The following PDE5A variants were observed in gnomAD, a reference collection of about 807,000 sequenced individuals.
PDE5A encodes phosphodiesterase 5A.
PDE5A carries 67 observed loss-of-function variants against 110.2 expected under a neutral mutation model. The ratio of observed to expected loss-of-function variants is 0.61; its 90% confidence interval spans 0.50 to 0.75. The LOEUF is 0.75. Among genes scored for constraint, PDE5A ranks in the 30% least tolerant of loss-of-function variants. The probability of loss-of-function intolerance (pLI) is 0.00; values close to 1 mark genes in which losing one functional copy is unlikely to be tolerated. For synonymous variants in PDE5A, 328 were observed against 351.2 expected (o/e 0.93, Z 0.74); for missense variants, 862 against 1,045.1 (o/e 0.82, Z 2.42).
chr4:119,589,827 C>T (rs906124409), intron 3 of PDE5A, among the ~76,000 whole-genome samples: 2 of 152,082 alleles, frequency 1.3e-5, no homozygotes, highest in Admixed American at 6.5e-5. Context: ...GTCTGCAGAG[C>T]GGTTTAAACA....
chr4:119,508,597 A>G (rs570986305), intron 15 of PDE5A, among the ~76,000 whole-genome samples: 3 of 152,160 alleles, frequency 2.0e-5, no homozygotes, highest in African/African-American at 7.2e-5. Flanking sequence ...GGATAACTAG[A>G]TGCTGAAATT....
chr4:119,580,957 AAGGGTGGTATCCTGCCTGACGCC>A (rs1425407639), intron 3 of PDE5A, among the ~76,000 whole-genome samples: 2 of 152,258 alleles, frequency 1.3e-5, no homozygotes, highest in African/African-American at 4.8e-5. Flanking sequence ...GATTTATTTT[AAGGGTGGTATCCTGCCTGACGCC>A]AGGTGTTGGC....
At chr4:119,609,167 A>T (rs867779165) in intron 1 of PDE5A, among the ~76,000 whole-genome samples, 12 of 152,016 alleles carry the variant, frequency 7.9e-5, no homozygotes, top group Middle Eastern at 3.4e-3. Flanking sequence ...GTCTCAAAAA[A>T]AAAAATAAAA....
At position 119,498,328 on chromosome 4, in the gene PDE5A, C is replaced by G. The variant is rs1406085921; in HGVS notation, c.*273G>C. Reference sequence around the variant, plus strand: ...AGAATACTGCATACACTTTGCAGTACACGAAATATCACAAACAATGCTTTT... The same window carrying G: ...AGAATACTGCATACACTTTGCAGTAGACGAAATATCACAAACAATGCTTTT... On this transcript the variant is annotated 3_prime_UTR_variant, in exon 21 of 21. Transcript: ENST00000354960. The G allele has an allele frequency of 3.0e-6, 1 of 338,326 alleles. No homozygotes were observed. The highest frequency in any genetic ancestry group is 5.4e-6 in the Non-Finnish European group (1 of 183,520). The allele number at this position is 338,326 out of a possible 1,614,324, so 21.0% of individuals were successfully genotyped here.
Position 119,628,728 on chromosome 4 carries a change from G to A in PDE5A, c.-57C>T, listed in dbSNP as rs750248948. ...GTACTGCTTTTCCACCCCAGCTGGG[G>A]TCCGTCCCTCAGAAGAACAGGACTC... is the stretch of plus-strand genomic sequence containing the variant. On this transcript the variant is annotated 5_prime_UTR_variant, in exon 1 of 21. Coordinates refer to ENST00000354960, the MANE Select transcript of PDE5A (RefSeq NM_001083.4). 6.3e-7 allele frequency: 1 copy of A among 1,595,174 alleles called. No individual in the cohort carries two copies. Among genetic ancestry groups the A allele is most frequent in the Non-Finnish European group, 8.5e-7 (1 of 1,175,882 alleles).
intron 1 of PDE5A, among the ~76,000 whole-genome samples, chr4:119,613,382 T>C (rs1729823792): frequency 6.6e-6 from 1 of 152,172 alleles, no homozygotes; most frequent in African/African-American, 2.4e-5. Context: ...TTTTTTTTTC[T>C]GGAACGAATT....
At chr4:119,613,688 T>C (rs1270680130) in intron 1 of PDE5A, among the ~76,000 whole-genome samples, 1 of 151,674 alleles carries the variant, frequency 6.6e-6, no homozygotes, top group East Asian at 2.0e-4. Context: ...TGGTCTAGGA[T>C]AGGACCTCTA....
chr4:119,557,367 A>G (rs1349023022), intron 7 of PDE5A, among the ~76,000 whole-genome samples: 1 of 152,158 alleles, frequency 6.6e-6, no homozygotes, highest in Admixed American at 6.6e-5. Flanking sequence ...TTTCTCTAAT[A>G]AATTTCTGCA....
In PDE5A at chr4:119,583,663, T is replaced by C. The variant is rs1340782231; in HGVS notation, c.831+12860A>G. Among the ~76,000 whole-genome samples, 9 of 152,188 alleles carry C rather than the reference T, an allele frequency of 5.9e-5. No homozygotes were observed. In the South Asian group the frequency reaches 8.3e-4, roughly 14 times the overall value. ...ACACTTAGAGAACACTATAGGGTTA[T>C]CAACTGGCTTAATTATAATACTGTT... On this transcript the variant is annotated intron_variant, in intron 3 of 20. Coordinates refer to ENST00000354960, the MANE Select transcript of PDE5A (RefSeq NM_001083.4).
intron 2 of PDE5A, among the ~76,000 whole-genome samples, chr4:119,601,217 G>A (rs2110542463): frequency 6.6e-6 from 1 of 152,268 alleles, no homozygotes; most frequent in Non-Finnish European, 1.5e-5. Flanking sequence ...CTTGTGATTA[G>A]AGGTTTAGAA....
Position 119,495,907 on chromosome 4 carries a change from G to A in PDE5A, c.*2694C>T, listed in dbSNP as rs143229061. The A allele has an allele frequency of 9.0e-4, 137 of 152,184 alleles. No individual in the cohort carries two copies. The highest frequency in any genetic ancestry group is 2.8e-3 in the African/African-American group (115 of 41,532). 9.4% of individuals were successfully genotyped at this position (152,184 alleles called of 1,614,324 possible). Reference sequence around the variant, plus strand: ...GACTAATATCCCATTTCTGACAGTGGTCTCCATGGCCCATTGGGGCTTATA... The same window carrying A: ...GACTAATATCCCATTTCTGACAGTGATCTCCATGGCCCATTGGGGCTTATA... On this transcript the variant is annotated 3_prime_UTR_variant, in exon 21 of 21. Transcript: ENST00000354960.
At chr4:119,573,326 A>G (rs1728206859) in intron 3 of PDE5A, among the ~76,000 whole-genome samples, 1 of 152,204 alleles carries the variant, frequency 6.6e-6, no homozygotes, top group Non-Finnish European at 1.5e-5. Context: ...TTAACCTCAC[A>G]TCCTTATCAG....
At chr4:119,596,410 T>C (rs1013328882) in intron 3 of PDE5A, 113 bp downstream of exon 3, 7 of 493,308 alleles carry the variant, frequency 1.4e-5, no homozygotes, top group Non-Finnish European at 1.4e-5. Flanking sequence ...AAGAACTTTA[T>C]AGCTAATTTG....
intron 3 of PDE5A, among the ~76,000 whole-genome samples, chr4:119,573,372 A>G (rs1314551077): frequency 6.6e-6 from 1 of 152,178 alleles, no homozygotes; most frequent in African/African-American, 2.4e-5. Context: ...ATGTTTGTCA[A>G]TCTGATGGGC....
At chr4:119,506,014 A>C (rs1429891828) in intron 16 of PDE5A, 82 bp from the exon 17 acceptor site, 1 of 646,694 alleles carries the variant, frequency 1.5e-6, no homozygotes, top group Non-Finnish European at 2.5e-6. Flanking sequence ...TCATGGACTA[A>C]ATTTTGGTGA....
chr4:119,540,632 T>TAAC (rs1373174964), intron 10 of PDE5A, among the ~76,000 whole-genome samples: 2 of 152,274 alleles, frequency 1.3e-5, no homozygotes, highest in African/African-American at 4.8e-5. Context: ...AAGATAAAAA[T>TAAC]AACTTACACA....
chr4:119,568,452 TATTC>T (rs1728025242), intron 3 of PDE5A, among the ~76,000 whole-genome samples: 1 of 152,204 alleles, frequency 6.6e-6, no homozygotes. Flanking sequence ...AATGCTCAGG[TATTC>T]ATTCATCCAC....
At chr4:119,578,610 G>A (rs1224689298) in intron 3 of PDE5A, among the ~76,000 whole-genome samples, 1 of 152,166 alleles carries the variant, frequency 6.6e-6, no homozygotes, top group Admixed American at 6.5e-5. Context: ...TTTAATAAAT[G>A]GTGCTGGGAA....
intron 3 of PDE5A, among the ~76,000 whole-genome samples, chr4:119,590,658 G>A (rs1370437919): frequency 6.6e-6 from 1 of 152,082 alleles, no homozygotes; most frequent in Non-Finnish European, 1.5e-5. Context: ...ATCTATAACA[G>A]TTATGGTTAT....
Sources: gnomAD v4.1 joint callset for allele counts (sites outside exome capture counted in the v4.1 genomes callset) on GRCh38, gnomAD v4.1.1 for gene constraint, MANE v1.5 for transcripts, NCBI Gene and HGNC (gene_info 2026-07-23, HGNC 2026-07-21) for gene names.